PDGFRB: variants seen among roughly 807,000 people sequenced by gnomAD.
PDGFRB encodes the protein platelet-derived growth factor receptor beta.
PDGFRB carries 42 observed loss-of-function variants against 120.2 expected under a neutral mutation model. The ratio of observed to expected loss-of-function variants is 0.35; its 90% confidence interval spans 0.27 to 0.45. PDGFRB has a LOEUF of 0.45. PDGFRB is among the 20% of genes least tolerant of loss of function. The probability of loss-of-function intolerance (pLI) is 1.00; values close to 1 mark genes in which losing one functional copy is unlikely to be tolerated. For missense variants in PDGFRB, 1,149 were observed against 1,476.3 expected (o/e 0.78, Z 3.63); for synonymous variants, 586 against 606.8 (o/e 0.97, Z 0.50).
At chr5:150,142,117 A>C (rs1349241516) in intron 1 of PDGFRB, among the ~76,000 whole-genome samples, 1 of 152,132 alleles carries the variant, frequency 6.6e-6, no homozygotes, top group African/African-American at 2.4e-5. Flanking sequence ...GGGATCATCT[A>C]TCTGATCTAA....
At chr5:150,145,528 T>C (rs1760896754) in intron 1 of PDGFRB, among the ~76,000 whole-genome samples, 1 of 152,246 alleles carries the variant, frequency 6.6e-6, no homozygotes, top group Non-Finnish European at 1.5e-5. Context: ...CTTCCTCATT[T>C]TACAGATGTG....
chr5:150,126,342 C>T (rs1219991806), intron 11 of PDGFRB, among the ~76,000 whole-genome samples, 178 bp downstream of exon 11: 2 of 152,096 alleles, frequency 1.3e-5, no homozygotes, highest in Non-Finnish European at 2.9e-5. Context: ...CTCAGGTTGG[C>T]CCAGACTGCT....
chr5:150,143,449 TC>T (rs1410642828), intron 1 of PDGFRB, among the ~76,000 whole-genome samples: 1 of 152,030 alleles, frequency 6.6e-6, no homozygotes, highest in Admixed American at 6.5e-5. Context: ...AATGCTGGGC[TC>T]GGGGTGGGGG....
chr5:150,137,680 G>A (rs1760673386), intron 1 of PDGFRB, among the ~76,000 whole-genome samples: 1 of 152,184 alleles, frequency 6.6e-6, no homozygotes, highest in Non-Finnish European at 1.5e-5. Context: ...GCGGCTAGGG[G>A]CTGGGCCCAG....
Position 150,134,996 on chromosome 5 carries a change from G to T in PDGFRB, c.385C>A (p.Pro129Thr). Residue 129 changes from proline to threonine, a missense_variant, in exon 4 of 23, where the codon CCT (proline) becomes ACT (threonine). By Grantham distance (38) the Pro-to-Thr change is conservative. Transcript: ENST00000261799. The part of the protein sequence containing the change: ...FVPDPTVGFL[P>T]NDAEELFIFL... ...ATGAATAGTTCCTCGGCATCATTAG[G>T]GAGGAAGCCCACGGTGGGATCTGCC... is the stretch of plus-strand genomic sequence containing the variant. The T allele has an allele frequency of 6.3e-7, 1 of 1,599,764 alleles. No homozygotes were observed. Among genetic ancestry groups the T allele is most frequent in the Admixed American group, 1.7e-5 (1 of 59,732 alleles).
In PDGFRB at chr5:150,135,136, A is replaced by G. The variant is rs17652080; in HGVS notation, c.365-120T>C. 6,759 of 626,312 alleles carry G rather than the reference A, an allele frequency of 0.011. 206 individuals are homozygous for G. Among genetic ancestry groups the G allele is most frequent in the South Asian group, 0.052 (2,741 of 52,522 alleles). The allele number at this position is 626,312 out of a possible 1,614,324, so 38.8% of individuals were successfully genotyped here. ...TCTGTCTCCCCGTTACAGAATAGGGATGCTCCCAGAAGAGCATAAATCAAA... is the reference window on the plus strand; with the variant it reads ...TCTGTCTCCCCGTTACAGAATAGGGGTGCTCCCAGAAGAGCATAAATCAAA... On this transcript the variant is annotated intron_variant, in intron 3 of 22. Coordinates refer to ENST00000261799, the MANE Select transcript of PDGFRB (RefSeq NM_002609.4).
chr5:150,115,809 G>T lies in PDGFRB; in HGVS notation c.3275C>A (p.Ser1092Ter), dbSNP rs146614144. Reference sequence around the variant, plus strand: ...TTCCGCCCGAGGCGCAGGGCACCCCGAATCCGGCAACTGTTCCAGCTCTGG... The same window carrying T: ...TTCCGCCCGAGGCGCAGGGCACCCCTAATCCGGCAACTGTTCCAGCTCTGG... ...PEPELEQLPD[S>*]GCPAPRAEAE... Residue 1092 changes from serine (S) to a stop codon, truncating the protein, a stop_gained, in exon 23 of 23, where the codon TCG (serine) becomes TAG (stop). Coordinates refer to ENST00000261799, the MANE Select transcript of PDGFRB (RefSeq NM_002609.4). LOFTEE classifies it high-confidence loss of function. The T allele has an allele frequency of 4.3e-6, 7 of 1,612,444 alleles. No individual in the cohort carries two copies. In the South Asian group the frequency reaches 7.7e-5, roughly 18 times the overall value.
chr5:150,146,520 A>T (rs1410690522), intron 1 of PDGFRB, among the ~76,000 whole-genome samples: 1 of 152,186 alleles, frequency 6.6e-6, no homozygotes, highest in Non-Finnish European at 1.5e-5. Context: ...ATGCAAACTC[A>T]GGCCGGCCTG....
chr5:150,130,438 C>T (rs969908041), intron 9 of PDGFRB, 101 bp downstream of exon 9: 30 of 1,201,972 alleles, frequency 2.5e-5, no homozygotes, highest in South Asian at 1.4e-4. Context: ...ACTCTATGCC[C>T]GGAACAATAT....
chr5:150,154,192 G>A (rs1323730942), intron 1 of PDGFRB, among the ~76,000 whole-genome samples: 2 of 152,146 alleles, frequency 1.3e-5, no homozygotes, highest in East Asian at 3.9e-4. Context: ...GAATATCCCT[G>A]AAAGAAAAGT....
chr5:150,136,460 G>A (rs1444381881), intron 2 of PDGFRB, among the ~76,000 whole-genome samples: 6 of 152,174 alleles, frequency 3.9e-5, no homozygotes, highest in Admixed American at 6.5e-5. Flanking sequence ...TTCAGGCCAC[G>A]CCCTCCATGC....
chr5:150,154,364 G>A (rs1761165624), intron 1 of PDGFRB, among the ~76,000 whole-genome samples: 1 of 152,176 alleles, frequency 6.6e-6, no homozygotes, highest in South Asian at 2.1e-4. Context: ...TCCAGGCTGT[G>A]CCACTTACTA....
intron 12 of PDGFRB, 22 bp downstream of exon 12, chr5:150,125,423 C>T: frequency 1.3e-6 from 2 of 1,599,162 alleles, no homozygotes; most frequent in Non-Finnish European, 8.6e-7. Context: ...CACACTGCCA[C>T]ATGAGGCCTC....
At chr5:150,128,016 G>A (rs1215910800) in intron 10 of PDGFRB, among the ~76,000 whole-genome samples, 3 of 151,792 alleles carry the variant, frequency 2.0e-5, no homozygotes, top group African/African-American at 7.3e-5. Flanking sequence ...TCCTCGCCAT[G>A]CCTTCCTCCT....
intron 1 of PDGFRB, among the ~76,000 whole-genome samples, chr5:150,150,989 C>G (rs1385416569): frequency 6.6e-6 from 1 of 152,224 alleles, no homozygotes; most frequent in East Asian, 1.9e-4. Flanking sequence ...ACTGTAGGAG[C>G]CCTCTGAGCT....
At chr5:150,143,043 G>A (rs936760790) in intron 1 of PDGFRB, among the ~76,000 whole-genome samples, 1 of 152,156 alleles carries the variant, frequency 6.6e-6, no homozygotes, top group African/African-American at 2.4e-5. Flanking sequence ...AGCCATGATG[G>A]TGTTGATGGC....
chr5:150,133,619 G>C lies in PDGFRB; in HGVS notation c.901C>G (p.Gln301Glu), dbSNP rs1760537643. Residue 301 changes from glutamine to glutamate, a missense_variant, in exon 6 of 23, where the codon CAG (glutamine) becomes GAG (glutamate). By Grantham distance (29) the Gln-to-Glu change is conservative (BLOSUM62 2). This residue lies in a region of PDGFRB where 879 missense variants were observed against 1,108.6 expected (regional missense o/e 0.79). Transcript: ENST00000261799. The part of the protein sequence containing the change: ...CNVTESVNDH[Q>E]DEKAINITVV... ...GTGATGTTGATGGCCTTTTCATCCTGATGGTCATTCACACTCTCCGTCACA... is the reference window on the plus strand; with the variant it reads ...GTGATGTTGATGGCCTTTTCATCCTCATGGTCATTCACACTCTCCGTCACA... 1.2e-6 allele frequency: 2 copies of C among 1,614,016 alleles called. No individual in the cohort carries two copies. Among genetic ancestry groups the C allele is most frequent in the Non-Finnish European group, 1.7e-6 (2 of 1,179,958 alleles).
chr5:150,117,536 GCGCGCGCGCACACA>G lies in PDGFRB; in HGVS notation c.3137+68_3137+81del, dbSNP rs144012098. The G allele has an allele frequency of 0.064, 42,902 of 669,862 alleles. 446 individuals are homozygous for G. Among genetic ancestry groups the G allele is most frequent in the Non-Finnish European group, 0.08 (32,122 of 401,918 alleles). 41.5% of individuals were successfully genotyped at this position (669,862 alleles called of 1,614,324 possible). A position where few individuals can be genotyped will look rare whatever the true frequency, so the allele number is the denominator to read the frequency against. On this transcript the variant is annotated intron_variant, in intron 22 of 22. Coordinates refer to ENST00000261799, the MANE Select transcript of PDGFRB (RefSeq NM_002609.4). ...CTGAGGCAAACCTGGCAGCGCGCGC[GCGCGCGCGCACACA>G]CACACACACACACACACACACACAC...
chr5:150,129,192 T>C (rs890764014), intron 10 of PDGFRB, among the ~76,000 whole-genome samples: 2 of 152,236 alleles, frequency 1.3e-5, no homozygotes, highest in Non-Finnish European at 2.9e-5. Context: ...GAATTGTACA[T>C]GCATTGCTTG....
Sources: allele counts gnomAD v4.1 joint callset (sites outside exome capture counted in the v4.1 genomes callset), GRCh38; gene constraint gnomAD v4.1.1; regional missense constraint gnomAD v4.1.1; transcripts MANE v1.5; gene names NCBI Gene and HGNC (gene_info 2026-07-23, HGNC 2026-07-21).